The following ZNF528 variants were observed in gnomAD, a reference collection of about 807,000 sequenced individuals.
ZNF528 encodes zinc finger protein 528.
ZNF528 carries 9 observed loss-of-function variants against 13.3 expected under a neutral mutation model. The ratio of observed to expected loss-of-function variants is 0.67; its 90% CI spans 0.41 to 1.18. The LOEUF (loss-of-function observed/expected upper bound fraction) is 1.18. ZNF528 is among the 50% of genes most tolerant of loss of function. The pLI is 0.01. For missense variants in ZNF528, 858 were observed against 745.4 expected (o/e 1.15, Z -1.76); for synonymous variants, 264 against 254.3 (o/e 1.04, Z -0.36).
intron 2 of ZNF528, 55 bp downstream of exon 2, chr19:52,398,674 G>A (rs2058756549): frequency 1.1e-6 from 1 of 912,164 alleles, no homozygotes; most frequent in Non-Finnish European, 1.3e-6. Context: ...AAAATAGCAG[G>A]GGAGAAAAGT....
At chr19:52,406,888 C>G (rs2122542664) in intron 6 of ZNF528, 1 of 428,856 alleles carries the variant, frequency 2.3e-6, no homozygotes, top group East Asian at 3.5e-5. Flanking sequence ...TGGGAGAATT[C>G]TGTGGGAAAA....
At chr19:52,397,959 T>A (rs2058749301) in intron 1 of ZNF528, 55 bp downstream of exon 1, 1 of 152,242 alleles carries the variant, frequency 6.6e-6, no homozygotes, top group Non-Finnish European at 1.5e-5. Flanking sequence ...TCTCTGCTTC[T>A]ATACCCGGGA....
intron 2 of ZNF528, among the ~76,000 whole-genome samples, chr19:52,399,541 A>C (rs2058767071): frequency 6.6e-6 from 1 of 152,068 alleles, no homozygotes; most frequent in African/African-American, 2.4e-5. Context: ...CCTGGGAGGC[A>C]GAGGTTGCAG....
In ZNF528 at chr19:52,407,818, G is replaced by A. The variant is rs114679132; in HGVS notation, c.271+1175G>A. Among the ~76,000 whole-genome samples the A allele has an allele frequency of 3.2e-3, 490 of 152,002 alleles. 2 individuals carry two copies. The highest frequency in any genetic ancestry group is 0.011 in the African/African-American group (460 of 41,462). On this transcript the variant is annotated intron_variant, in intron 6 of 6. Coordinates refer to ENST00000360465, the MANE Select transcript of ZNF528 (RefSeq NM_032423.3). Reference sequence around the variant, plus strand: ...ATTTTTTTCTTTTGTTAATTTCAACGTTACATGCCTCTGCCTCTGGAGTAG... The same window carrying A: ...ATTTTTTTCTTTTGTTAATTTCAACATTACATGCCTCTGCCTCTGGAGTAG...
intron 4 of ZNF528, among the ~76,000 whole-genome samples, chr19:52,404,222 TC>T (rs1307770020): frequency 6.6e-6 from 1 of 152,050 alleles, no homozygotes; most frequent in African/African-American, 2.4e-5. Flanking sequence ...AACAGATTAT[TC>T]TTTCTTCTTT....
rs2059004862 is a variant in ZNF528, at chr19:52,416,396, A to G, written c.1544A>G (p.His515Arg). The change falls in exon 7 of 7, where the codon CAT becomes CGT. Residue 515 changes from histidine to arginine, a missense_variant. By Grantham distance (29) the His-to-Arg change is conservative. Transcript: ENST00000360465. ...AACCTGGTATGCCATCAGAAAATTC[A>G]TACAGGAGAAAAGCCTTACAAATGT... ...SSNLVCHQKIHTGEKPYKCNQ... is the reference protein window; with the variant it reads ...SSNLVCHQKIRTGEKPYKCNQ... 2.5e-6 allele frequency: 4 copies of G among 1,614,106 alleles called. No individual in the cohort carries two copies. The highest frequency in any genetic ancestry group is 3.4e-6 in the Non-Finnish European group (4 of 1,179,948).
chr19:52,402,159 C>G, intron 4 of ZNF528, 131 bp downstream of exon 4: 1 of 1,294,134 alleles, frequency 7.7e-7, no homozygotes, highest in Non-Finnish European at 1.1e-6. Flanking sequence ...TGGCTTCTTC[C>G]AGTCCCTTCA....
intron 6 of ZNF528, chr19:52,411,589 G>A (rs1336299338): frequency 6.6e-6 from 1 of 152,162 alleles, no homozygotes; most frequent in Non-Finnish European, 1.5e-5. Context: ...AGCTTCCCCT[G>A]TGTTAGGGGC....
intron 6 of ZNF528, chr19:52,414,222 A>G (rs767253008): frequency 1.4e-6 from 1 of 702,454 alleles, no homozygotes; most frequent in Admixed American, 2.0e-5. Flanking sequence ...CTCCAGCAGA[A>G]CCTTCTTTGT....
In ZNF528 at chr19:52,406,819, G is replaced by A. The variant is rs2058862503; in HGVS notation, c.271+176G>A. On this transcript the variant is annotated intron_variant, in intron 6 of 6. Transcript: ENST00000360465. ...TCCAAAGTGTTGGGATTACAGCCATGAGCCACTGTACCCTGCAAAGCCACA... is the reference window on the plus strand; with the variant it reads ...TCCAAAGTGTTGGGATTACAGCCATAAGCCACTGTACCCTGCAAAGCCACA... 1.1e-5 allele frequency: 9 copies of A among 784,492 alleles called. No homozygotes were observed. In the East Asian group the frequency reaches 2.6e-4, roughly 23 times the overall value. 48.6% of individuals were successfully genotyped at this position (784,492 alleles called of 1,614,324 possible). A position where few individuals can be genotyped will look rare whatever the true frequency, so the allele number is the denominator to read the frequency against.
Position 52,401,534 on chromosome 19 carries a change from C to G in ZNF528, c.-136-151C>G, listed in dbSNP as rs558372485. Among the ~76,000 whole-genome samples the G allele has an allele frequency of 2.0e-5, 3 of 152,222 alleles. No individual in the cohort carries two copies. In the South Asian group the frequency reaches 6.2e-4, roughly 32 times the overall value. ...TCTGACCTCATCTCCTGCCTCTGTTCTTCCCGCTCCCTCTACTGCAACTAC... is the reference window on the plus strand; with the variant it reads ...TCTGACCTCATCTCCTGCCTCTGTTGTTCCCGCTCCCTCTACTGCAACTAC... On this transcript the variant is annotated intron_variant, in intron 2 of 6. Transcript: ENST00000360465.
In ZNF528 at chr19:52,401,717, G is replaced by GA. The variant is rs775814668; in HGVS notation, c.-97dup. 8.2e-6 allele frequency: 10 copies of GA among 1,224,996 alleles called. No homozygotes were observed. Among genetic ancestry groups the GA allele is most frequent in the South Asian group, 3.9e-5 (3 of 76,014 alleles). 75.9% of individuals were successfully genotyped at this position (1,224,996 alleles called of 1,614,324 possible). A position where few individuals can be genotyped will look rare whatever the true frequency, so the allele number is the denominator to read the frequency against. ...AATTTTAAGAAAGGGAGAATAAAGT[G>GA]AAAAAAATCTCAGAAGGAATCCACT... On this transcript the variant is annotated 5_prime_UTR_variant, in exon 3 of 7. Transcript: ENST00000360465.
chr19:52,400,557 T>A (rs2058780976), intron 2 of ZNF528, among the ~76,000 whole-genome samples: 2 of 152,158 alleles, frequency 1.3e-5, no homozygotes, highest in South Asian at 4.1e-4. Flanking sequence ...GGTCTTGCTC[T>A]GTCACCCAAG....
intron 6 of ZNF528, chr19:52,414,462 GGT>G: frequency 1.7e-6 from 1 of 594,366 alleles, no homozygotes; most frequent in South Asian, 2.0e-5. Context: ...TAAAGGAGAT[GGT>G]GGCAGGGGGA....
chr19:52,415,194 G>T lies in ZNF528; in HGVS notation c.342G>T (p.Gln114His). Residue 114 changes from glutamine (Q) to histidine (H), a missense_variant, in exon 7 of 7, where the codon CAG (glutamine) becomes CAT (histidine). Physicochemically the swap from Gln to His is conservative, Grantham distance 24. Transcript: ENST00000360465. ...AAAATCAACTTGGATTCACTTTTCA[G>T]TTACATCTGAGTGATCTACAGCTAT... ...PCKNQLGFTFQLHLSDLQLFQ... is the reference protein window; with the variant it reads ...PCKNQLGFTFHLHLSDLQLFQ... 2 of 1,612,920 alleles carry T rather than the reference G, an allele frequency of 1.2e-6. No individual in the cohort carries two copies. Among genetic ancestry groups the T allele is most frequent in the Non-Finnish European group, 1.7e-6 (2 of 1,179,558 alleles).
intron 6 of ZNF528, chr19:52,414,784 A>G (rs1247595588): frequency 2.2e-6 from 1 of 454,012 alleles, no homozygotes; most frequent in Non-Finnish European, 3.9e-6. Flanking sequence ...TGGCTTGTGG[A>G]AGTACCATTA....
chr19:52,400,230 AC>A (rs1384726942), intron 2 of ZNF528, among the ~76,000 whole-genome samples: 1 of 23,834 alleles, frequency 4.2e-5, no homozygotes, highest in Admixed American at 6.3e-4. Context: ...CCATTAAAAC[AC>A]ACACACACAC....
At chr19:52,401,879 G>A (rs1432783017) in intron 3 of ZNF528, 68 bp from the exon 4 acceptor site, 42 of 1,564,014 alleles carry the variant, frequency 2.7e-5, no homozygotes, top group Non-Finnish European at 3.6e-5. Context: ...TTCCCTTTGT[G>A]TGTGGCTATG....
intron 2 of ZNF528, among the ~76,000 whole-genome samples, chr19:52,399,482 G>A (rs894205840): frequency 6.6e-6 from 1 of 152,044 alleles, no homozygotes; most frequent in Non-Finnish European, 1.5e-5. Context: ...GATGGCCTGC[G>A]CCTGTAATCC....
Sources: allele counts gnomAD v4.1 joint callset (sites outside exome capture counted in the v4.1 genomes callset), GRCh38; gene constraint gnomAD v4.1.1; transcripts MANE v1.5; gene names NCBI Gene and HGNC (gene_info 2026-07-23, HGNC 2026-07-21).